Variants in ARMC2 observed in about 807,000 individuals in gnomAD.
ARMC2 encodes the protein armadillo repeat containing 2.
In ARMC2, 67 loss-of-function variants were observed where a neutral mutation model predicts 90.3. That is an observed-to-expected ratio of 0.74 (90% confidence interval 0.61 to 0.91). The LOEUF (loss-of-function observed/expected upper bound fraction) is 0.91, where lower values mean the gene tolerates loss of function less well. Ranked by LOEUF, ARMC2 falls within the 40% of genes least tolerant of loss-of-function variation. ARMC2 has a pLI of 0.00. For synonymous variants in ARMC2, 393 were observed against 393.0 expected (o/e 1.00, Z 0.00); for missense variants, 920 against 1,030.9 (o/e 0.89, Z 1.47).
At chr6:109,026,849 G>T in the ARMC2 span, among the ~76,000 whole-genome samples, 2 of 151,814 alleles carry the variant, frequency 1.3e-5, no homozygotes, top group Non-Finnish European at 2.9e-5. Context: ...CAAAGTAGTT[G>T]TACCATTTTA....
chr6:108,992,379 G>A, the ARMC2 span, among the ~76,000 whole-genome samples: 1 of 152,076 alleles, frequency 6.6e-6, no homozygotes, highest in Non-Finnish European at 1.5e-5. Flanking sequence ...AGCCTCCCAA[G>A]GTGCTGGGAT....
the ARMC2 span, chr6:108,988,399 G>T: frequency 1.6e-6 from 1 of 621,730 alleles, no homozygotes. Context: ...CCCTTCTGAA[G>T]GGGTACCTGA....
downstream of ARMC2, chr6:108,974,504 C>G (rs1249698733): frequency 6.6e-6 from 1 of 152,138 alleles, no homozygotes; most frequent in Non-Finnish European, 1.5e-5. Flanking sequence ...TTATCCTATA[C>G]TAGCCAAATG....
intron 5 of ARMC2, among the ~76,000 whole-genome samples, chr6:108,877,516 G>A (rs1337285518): frequency 6.6e-6 from 1 of 152,188 alleles, no homozygotes; most frequent in Non-Finnish European, 1.5e-5. Context: ...GGGACTTTGG[G>A]AGTTGAGTAG....
chr6:109,019,847 A>G, the ARMC2 span, among the ~76,000 whole-genome samples: 37 of 152,330 alleles, frequency 2.4e-4, no homozygotes, highest in Non-Finnish European at 1.5e-5. Flanking sequence ...CAAGTATTCA[A>G]TTAGATTTTA....
downstream of ARMC2, among the ~76,000 whole-genome samples, chr6:108,975,105 C>A (rs116990644): frequency 4.0e-3 from 602 of 151,986 alleles, 4 homozygotes; most frequent in Non-Finnish European, 5.4e-3. Flanking sequence ...TTGTTGCACC[C>A]ATAACCCATC....
At chr6:109,029,720 C>CA in the ARMC2 span, among the ~76,000 whole-genome samples, 1 of 152,032 alleles carries the variant, frequency 6.6e-6, no homozygotes, top group African/African-American at 2.4e-5. Flanking sequence ...TTTGTAGAGA[C>CA]AGAGTCTTGC....
chr6:108,878,091 T>A (rs1777113076), intron 5 of ARMC2, among the ~76,000 whole-genome samples: 1 of 152,166 alleles, frequency 6.6e-6, no homozygotes, highest in Non-Finnish European at 1.5e-5. Flanking sequence ...CAAAAAAAAG[T>A]TTACGTAGTA....
rs780130303 is a variant in ARMC2 at position 108,953,116 on chromosome 6, A to C, written c.1680A>C (p.Lys560Asn). The change falls in exon 13 of 18, where the codon AAA becomes AAC. Residue 560 changes from lysine to asparagine, a missense_variant. Physicochemically the swap from Lys to Asn is moderately conservative, Grantham distance 94 (BLOSUM62 0). Coordinates refer to ENST00000392644, the MANE Select transcript of ARMC2 (RefSeq NM_032131.6). ...CTCGTGAACAATTTTCCAAAGAGAAAGGGAGCATCCAAACTCTGCTGTCAT... is the reference window on the plus strand; with the variant it reads ...CTCGTGAACAATTTTCCAAAGAGAACGGGAGCATCCAAACTCTGCTGTCAT... The part of the protein sequence containing the change: ...NQAREQFSKE[K>N]GSIQTLLSLF... 6.2e-7 allele frequency: 1 copy of C among 1,613,996 alleles called. No homozygotes were observed. The highest frequency in any genetic ancestry group is 1.7e-5 in the Admixed American group (1 of 60,004).
intron 13 of ARMC2, among the ~76,000 whole-genome samples, chr6:108,957,113 C>A (rs890075718): frequency 6.6e-6 from 1 of 152,220 alleles, no homozygotes; most frequent in Non-Finnish European, 1.5e-5. Context: ...ACCCTGCTCT[C>A]CTGTGATGGG....
At chr6:108,931,531 C>T (rs1775562622) in intron 11 of ARMC2, among the ~76,000 whole-genome samples, 1 of 151,918 alleles carries the variant, frequency 6.6e-6, no homozygotes, top group South Asian at 2.1e-4. Flanking sequence ...CTAATTTATA[C>T]TCCTACCAAC....
intron 8 of ARMC2, among the ~76,000 whole-genome samples, chr6:108,907,085 T>G (rs1483596178): frequency 6.6e-6 from 1 of 152,232 alleles, no homozygotes; most frequent in African/African-American, 2.4e-5. Flanking sequence ...AAATTGACAT[T>G]ATAGCAGGCC....
At chr6:109,011,399 T>G in the ARMC2 span, among the ~76,000 whole-genome samples, 18 of 152,108 alleles carry the variant, frequency 1.2e-4, no homozygotes, top group African/African-American at 3.6e-4. Context: ...TAATTTTAAT[T>G]TAATATTCTA....
chr6:108,914,493 C>T (rs12173940), intron 10 of ARMC2, among the ~76,000 whole-genome samples: 5,628 of 152,148 alleles, frequency 0.037, 232 homozygotes, highest in East Asian at 0.2. Context: ...TCATTGTCTC[C>T]AAAGCCTTTC....
intron 10 of ARMC2, among the ~76,000 whole-genome samples, chr6:108,918,875 C>A (rs573870038): frequency 6.6e-6 from 1 of 152,280 alleles, no homozygotes; most frequent in African/African-American, 2.4e-5. Flanking sequence ...TCAGAATTAC[C>A]CAAACCTGAA....
At chr6:108,990,810 T>A in the ARMC2 span, 1 of 1,614,000 alleles carries the variant, frequency 6.2e-7, no homozygotes, top group Non-Finnish European at 8.5e-7. Context: ...TACCAAAGAA[T>A]AACCATGATC....
At chr6:108,907,589 G>A in intron 8 of ARMC2, 2 of 1,535,864 alleles carry the variant, frequency 1.3e-6, no homozygotes, top group African/African-American at 1.4e-5. Flanking sequence ...TGGGGTGGGG[G>A]GGTGCAGAGC....
chr6:108,870,272 A>T (rs1368071503), intron 4 of ARMC2, among the ~76,000 whole-genome samples: 1 of 151,984 alleles, frequency 6.6e-6, no homozygotes, highest in African/African-American at 2.4e-5. Flanking sequence ...GAAGAATCTC[A>T]TGGAAGAATC....
Position 108,848,447 on chromosome 6 carries a change from AC to A in ARMC2, c.-139del. The A allele has an allele frequency of 6.6e-6, 1 of 152,374 alleles. No homozygotes were observed. Among genetic ancestry groups the A allele is most frequent in the Non-Finnish European group, 1.5e-5 (1 of 68,074 alleles). The allele number at this position is 152,374 out of a possible 1,614,324, so 9.4% of individuals were successfully genotyped here. A position where few individuals can be genotyped will look rare whatever the true frequency, so the allele number is the denominator to read the frequency against. ...AGTGGCCGAGCGGCGTCGTGGGGTT[AC>A]CCCGCCCGCGCCAGCGCTGCATCCC... is the stretch of plus-strand genomic sequence containing the variant. On this transcript the variant is annotated 5_prime_UTR_variant, in exon 1 of 18. Coordinates refer to ENST00000392644, the MANE Select transcript of ARMC2 (RefSeq NM_032131.6).
Sources: allele counts gnomAD v4.1 joint callset (sites outside exome capture counted in the v4.1 genomes callset), GRCh38; gene constraint gnomAD v4.1.1; transcripts MANE v1.5; gene names NCBI Gene and HGNC (gene_info 2026-07-23, HGNC 2026-07-21).